The following PRPF19 variants were observed in gnomAD, a reference collection of about 807,000 sequenced individuals.
PRPF19 encodes pre-mRNA-processing factor 19.
A neutral mutation model predicts 64.2 loss-of-function variants in PRPF19; 2 were observed. That is an observed-to-expected ratio of 0.03 (90% CI 0.01 to 0.10). The LOEUF (loss-of-function observed/expected upper bound fraction) is 0.10. PRPF19 is among the 10% of genes least tolerant of loss of function. The pLI is 1.00. For synonymous variants in PRPF19, 226 were observed against 251.6 expected, an observed-to-expected ratio of 0.90 and a Z score of 0.96; for missense variants, 314 against 650.0, an observed-to-expected ratio of 0.48 and a Z score of 5.62.
chr11:60,894,315 T>C (rs1270790530), intron 15 of PRPF19, among the ~76,000 whole-genome samples: 1 of 152,262 alleles, frequency 6.6e-6, no homozygotes, highest in African/African-American at 2.4e-5. Context: ...ACCTGCTTTA[T>C]CAATTAAGTT....
Position 60,898,882 on chromosome 11 carries a change from G to A in PRPF19, c.1034C>T (p.Thr345Ile). ...CTTACAGCAGCCGGAGGTCTCATCT[G>A]TCACCTTGGTGAGCACACGCCCTGT... ...IQTGRVLTKVTDETSGCSLTC... is the reference protein window; with the variant it reads ...IQTGRVLTKVIDETSGCSLTC... Residue 345 changes from threonine to isoleucine, a missense_variant, in exon 12 of 16, where the codon ACA (threonine) becomes ATA (isoleucine). By Grantham distance (89) the Thr-to-Ile change is moderately conservative (BLOSUM62 -1). Around this residue, in one of 7 missense-constraint regions of PRPF19, gnomAD observed 175 missense variants for 342.9 expected, o/e 0.51. Coordinates refer to ENST00000227524, the MANE Select transcript of PRPF19 (RefSeq NM_014502.5). This position sits in a 1 kb window ranked among gnomAD's most constrained non-coding sequence, Gnocchi z 4.6. The A allele has an allele frequency of 6.2e-7, 1 of 1,605,614 alleles. No individual in the cohort carries two copies. Among genetic ancestry groups the A allele is most frequent in the Non-Finnish European group, 8.5e-7 (1 of 1,175,940 alleles).
intron 15 of PRPF19, 43 bp from the exon 16 acceptor site, chr11:60,891,306 C>T (rs1158452423): frequency 6.9e-7 from 1 of 1,450,198 alleles, no homozygotes; most frequent in African/African-American, 1.4e-5. Flanking sequence ...GGCTTTTCCT[C>T]CTTTAGTCTG....
In PRPF19 at chr11:60,903,539, C is replaced by A. The variant is rs199771969; in HGVS notation, c.170-4G>T. The A allele has an allele frequency of 1.2e-6, 2 of 1,613,896 alleles. No homozygotes were observed. Among genetic ancestry groups the A allele is most frequent in the East Asian group, 2.2e-5 (1 of 44,888 alleles). On this transcript the variant is annotated splice_polypyrimidine_tract_variant and splice_region_variant and intron_variant, in intron 2 of 15. Coordinates refer to ENST00000227524, the MANE Select transcript of PRPF19 (RefSeq NM_014502.5). ...TTGGGCCGGATTGGGTGAGCAACTG[C>A]CGAAAGGGAAAGCAGGTATGAAGAA...
chr11:60,897,483 T>G (rs1439330216), intron 15 of PRPF19: 1 of 195,810 alleles, frequency 5.1e-6, no homozygotes, highest in Non-Finnish European at 1.1e-5. Flanking sequence ...CATCTGACCC[T>G]TCTGCAGATC....
chr11:60,906,300 G>A lies in PRPF19; in HGVS notation c.19+64C>T, dbSNP rs1856045678. 16 of 1,543,056 alleles carry A rather than the reference G, an allele frequency of 1.0e-5. No individual in the cohort carries two copies. The South Asian group carries it at 1.4e-4, about 14-fold the overall frequency. Reference sequence around the variant, plus strand: ...CCCGGCCCGGGCGCCGCAGCGGACCGCACACGCTCCCGCGCCGCTCTCTGG... The same window carrying A: ...CCCGGCCCGGGCGCCGCAGCGGACCACACACGCTCCCGCGCCGCTCTCTGG... On this transcript the variant is annotated intron_variant, in intron 1 of 15. Coordinates refer to ENST00000227524, the MANE Select transcript of PRPF19 (RefSeq NM_014502.5).
chr11:60,898,443 C>T lies in PRPF19; in HGVS notation c.1140+98G>A. ...CACACGCACAGCCAGTGTCTCTCCA[C>T]CTTCAGGGCCAGGTGCCACAAGCAC... On this transcript the variant is annotated intron_variant, in intron 13 of 15. Transcript: ENST00000227524. This position sits in a 1 kb window ranked among gnomAD's most constrained non-coding sequence, Gnocchi z 4.6. The T allele has an allele frequency of 6.3e-7, 1 of 1,584,966 alleles. No homozygotes were observed. The highest frequency in any genetic ancestry group is 1.7e-4 in the Middle Eastern group (1 of 5,988).
chr11:60,896,735 CT>C (rs2134859169), intron 15 of PRPF19, among the ~76,000 whole-genome samples: 1 of 152,264 alleles, frequency 6.6e-6, no homozygotes, highest in East Asian at 1.9e-4. Context: ...TGAGAACGGA[CT>C]AATACAGTTG....
intron 1 of PRPF19, among the ~76,000 whole-genome samples, chr11:60,905,207 G>A (rs529788947): frequency 6.6e-5 from 10 of 152,190 alleles, no homozygotes; most frequent in Non-Finnish European, 1.0e-4. Flanking sequence ...TGAGGATAAG[G>A]ATTACAGCTG....
intron 15 of PRPF19, among the ~76,000 whole-genome samples, chr11:60,897,155 G>A (rs943538170): frequency 6.6e-6 from 1 of 152,114 alleles, no homozygotes; most frequent in African/African-American, 2.4e-5. Context: ...CTATACCAGT[G>A]TACCATTTTA....
chr11:60,899,797 G>T (rs1368879014), intron 10 of PRPF19, among the ~76,000 whole-genome samples: 1 of 152,086 alleles, frequency 6.6e-6, no homozygotes, highest in Non-Finnish European at 1.5e-5. Flanking sequence ...AAGATTTGGG[G>T]CAGGGAGAGA....
Position 60,898,783 on chromosome 11 carries a change from T to C in PRPF19, c.1054+79A>G. ...ATGGTAAATATATCTTTAGAACAAA[T>C]AAACAAATGACTAAATAAAATGTAA... On this transcript the variant is annotated intron_variant, in intron 12 of 15. Transcript: ENST00000227524. The surrounding 1 kb of genome is among the most constrained non-coding windows in gnomAD (Gnocchi z 4.6). 2 of 1,501,870 alleles carry C rather than the reference T, an allele frequency of 1.3e-6. No homozygotes were observed. The highest frequency in any genetic ancestry group is 1.8e-6 in the Non-Finnish European group (2 of 1,116,980). 93.0% of individuals were successfully genotyped at this position (1,501,870 alleles called of 1,614,324 possible). A position where few individuals can be genotyped will look rare whatever the true frequency, so the allele number is the denominator to read the frequency against.
intron 1 of PRPF19, 72 bp from the exon 2 acceptor site, chr11:60,903,933 T>C (rs1204475784): frequency 5.8e-6 from 9 of 1,551,408 alleles, no homozygotes; most frequent in Middle Eastern, 1.7e-4. Flanking sequence ...TCATCTGCTA[T>C]TAGCCCCAAC....
intron 1 of PRPF19, among the ~76,000 whole-genome samples, chr11:60,904,819 A>G (rs1856025234): frequency 6.6e-6 from 1 of 152,182 alleles, no homozygotes; most frequent in Non-Finnish European, 1.5e-5. Flanking sequence ...CAAAGGCATG[A>G]TTCAATAAAT....
chr11:60,896,285 A>G (rs1404079125), intron 15 of PRPF19, among the ~76,000 whole-genome samples: 2 of 152,356 alleles, frequency 1.3e-5, no homozygotes, highest in East Asian at 1.9e-4. Flanking sequence ...TCCGAGAAGA[A>G]GGCATTATCA....
At chr11:60,903,586 G>A (rs779409035) in intron 2 of PRPF19, 51 bp from the exon 3 acceptor site, 18 of 1,600,308 alleles carry the variant, frequency 1.1e-5, no homozygotes, top group South Asian at 7.8e-5. Flanking sequence ...GGCCTCCCCC[G>A]CCATCACATC....
intron 10 of PRPF19, among the ~76,000 whole-genome samples, chr11:60,899,851 A>G (rs1377062415): frequency 6.6e-6 from 1 of 152,228 alleles, no homozygotes; most frequent in Non-Finnish European, 1.5e-5. Context: ...AGGATATTAA[A>G]AGCCATAAGG....
At position 60,897,826 on chromosome 11, in the gene PRPF19, A is replaced by G. The variant is rs756778611; in HGVS notation, c.1417+20T>C. 1.8e-5 allele frequency: 29 copies of G among 1,600,860 alleles called. No homozygotes were observed. The highest frequency in any genetic ancestry group is 1.8e-5 in the Non-Finnish European group (21 of 1,168,728). On this transcript the variant is annotated intron_variant, in intron 15 of 15. Transcript: ENST00000227524. ...CCTGGGCACCTAGAGAGATCCCAGG[A>G]GCCCAGGACCAGCCTCTACCTGTAA...
At chr11:60,904,975 T>A (rs745510924) in intron 1 of PRPF19, among the ~76,000 whole-genome samples, 3 of 152,138 alleles carry the variant, frequency 2.0e-5, no homozygotes, top group African/African-American at 4.8e-5. Flanking sequence ...CAGCTACCAG[T>A]CAACTGATTA....
chr11:60,897,644 T>C (rs1005149360), intron 15 of PRPF19: 3 of 512,822 alleles, frequency 5.8e-6, no homozygotes, highest in South Asian at 5.6e-5. Flanking sequence ...CCACAGGGCA[T>C]GGAAGTGGCA....
Sources: allele counts gnomAD v4.1 joint callset (sites outside exome capture counted in the v4.1 genomes callset), GRCh38; gene constraint gnomAD v4.1.1; regional missense constraint gnomAD v4.1.1; non-coding constraint Gnocchi (gnomAD v3.1); transcripts MANE v1.5; gene names NCBI Gene and HGNC (gene_info 2026-07-23, HGNC 2026-07-21).